Variants in ABCG2 observed in about 807,000 individuals in gnomAD.
ABCG2 encodes the protein broad substrate specificity ATP-binding cassette transporter ABCG2.
Under a neutral mutation model 73.5 loss-of-function variants are expected in ABCG2, and 80 were observed. The ratio of observed to expected loss-of-function variants is 1.09; its 90% CI spans 0.91 to 1.31. The LOEUF is 1.31. ABCG2 is among the 50% of genes most tolerant of loss of function. ABCG2 has a pLI of 0.00. For missense variants in ABCG2, 796 were observed against 786.2 expected, an observed-to-expected ratio of 1.01 and a Z score of -0.15; for synonymous variants, 269 against 282.4, an observed-to-expected ratio of 0.95 and a Z score of 0.48.
At chr4:88,162,107 G>C (rs1202142826), upstream of ABCG2, among the ~76,000 whole-genome samples, 5 of 152,154 alleles carry the variant, frequency 3.3e-5, no homozygotes, top group African/African-American at 1.2e-4. Context: ...AGCTATTTGG[G>C]GGGCTGAGGT....
chr4:88,193,558 G>T (rs2110109044), intron 1 of ABCG2, among the ~76,000 whole-genome samples: 1 of 152,042 alleles, frequency 6.6e-6, no homozygotes, highest in East Asian at 1.9e-4. Flanking sequence ...GGTTTCTGTT[G>T]CTAAAACAAA....
chr4:88,209,469 G>T (rs1175809567), intron 1 of ABCG2, among the ~76,000 whole-genome samples: 1 of 151,988 alleles, frequency 6.6e-6, no homozygotes, highest in African/African-American at 2.4e-5. Flanking sequence ...TTTGAGACCA[G>T]CCTGGCCAAC....
At chr4:88,201,209 C>CAAAAAAA (rs3061250) in intron 1 of ABCG2, among the ~76,000 whole-genome samples, 23 of 106,244 alleles carry the variant, frequency 2.2e-4, no homozygotes, top group African/African-American at 4.4e-4. Flanking sequence ...GCACTAACTG[C>CAAAAAAA]AAAAAAAAAA....
At position 88,118,639 on chromosome 4, in the gene ABCG2, A is replaced by G. The variant is rs551457562; in HGVS notation, c.690-379T>C. On this transcript the variant is annotated intron_variant, in intron 6 of 15. Transcript: ENST00000237612. ...AGTTTGAGAACTAACTATGGACTGC[A>G]TATTAAAACAATGGTCATATATCTC... Among the ~76,000 whole-genome samples, 170 of 152,354 alleles carry G rather than the reference A, an allele frequency of 1.1e-3. 1 individual carries two copies. Among genetic ancestry groups the G allele is most frequent in the African/African-American group, 4.0e-3 (168 of 41,578 alleles).
intron 1 of ABCG2, among the ~76,000 whole-genome samples, chr4:88,202,196 T>C (rs906863005): frequency 6.6e-6 from 1 of 151,204 alleles, no homozygotes; most frequent in African/African-American, 2.4e-5. Context: ...TAATGCCCCA[T>C]GTCAACTTTC....
intron 1 of ABCG2, among the ~76,000 whole-genome samples, chr4:88,176,886 A>G (rs921530662): frequency 6.6e-6 from 1 of 151,986 alleles, no homozygotes; most frequent in African/African-American, 2.4e-5. Flanking sequence ...AAGTGATAGT[A>G]TTTCTCTATG....
chr4:88,178,010 T>G (rs1728079536), intron 1 of ABCG2, among the ~76,000 whole-genome samples: 1 of 152,048 alleles, frequency 6.6e-6, no homozygotes, highest in African/African-American at 2.4e-5. Flanking sequence ...AAACAGCAAT[T>G]CCTGGAAAAG....
At chr4:88,146,843 C>A (rs1726037664) in intron 1 of ABCG2, among the ~76,000 whole-genome samples, 3 of 149,012 alleles carry the variant, frequency 2.0e-5, no homozygotes, top group South Asian at 2.1e-4. Context: ...TGGAATCCAG[C>A]CTAAGCAACA....
intron 1 of ABCG2, chr4:88,230,860 C>T (rs552440217): frequency 6.6e-6 from 1 of 152,238 alleles, no homozygotes; most frequent in African/African-American, 2.4e-5. Context: ...GCAAGATCTC[C>T]AGGTGATACA....
At chr4:88,144,449 C>CTTTTTTTTT (rs59434855) in intron 1 of ABCG2, among the ~76,000 whole-genome samples, 180 of 77,558 alleles carry the variant, frequency 2.3e-3, no homozygotes, top group Non-Finnish European at 2.7e-3. Context: ...CACATTTTTA[C>CTTTTTTTTT]TTTTTTTTTT....
upstream of ABCG2, chr4:88,163,751 G>A (rs1727406113): frequency 4.8e-6 from 2 of 415,978 alleles, no homozygotes; most frequent in Admixed American, 2.6e-5. Context: ...AAGGAGATGG[G>A]AACTCCAGAT....
intron 1 of ABCG2, among the ~76,000 whole-genome samples, chr4:88,198,574 A>G (rs573241909): frequency 9.2e-5 from 14 of 152,290 alleles, no homozygotes; most frequent in African/African-American, 3.4e-4. Context: ...TTGAGGCTGC[A>G]GTGAGCTATG....
chr4:88,092,446 T>C, intron 15 of ABCG2, 65 bp from the exon 16 acceptor site: 1 of 1,525,664 alleles, frequency 6.6e-7, no homozygotes, highest in Middle Eastern at 1.8e-4. Context: ...ACTCAGTATA[T>C]CCACTGTTCC....
intron 1 of ABCG2, among the ~76,000 whole-genome samples, chr4:88,173,512 G>A (rs757889730): frequency 3.3e-5 from 5 of 152,078 alleles, no homozygotes; most frequent in South Asian, 4.1e-4. Flanking sequence ...AGGAAGCTCC[G>A]AATGCCTAAT....
chr4:88,139,671 G>T, intron 2 of ABCG2, 122 bp downstream of exon 2: 1 of 760,520 alleles, frequency 1.3e-6, no homozygotes, highest in Non-Finnish European at 2.1e-6. Flanking sequence ...GCATGTGTCT[G>T]TATATCTGTG....
chr4:88,147,447 G>C (rs921136472), intron 1 of ABCG2, among the ~76,000 whole-genome samples: 2 of 152,172 alleles, frequency 1.3e-5, no homozygotes, highest in African/African-American at 4.8e-5. Flanking sequence ...CCTACACTAA[G>C]TACACAGAAA....
intron 1 of ABCG2, chr4:88,223,805 G>C (rs1730095907): frequency 6.6e-6 from 1 of 152,628 alleles, no homozygotes; most frequent in African/African-American, 2.4e-5. Context: ...CTCATCTGGA[G>C]AGGGATGAAG....
At chr4:88,149,666 A>G (rs1726308938) in intron 1 of ABCG2, among the ~76,000 whole-genome samples, 1 of 152,040 alleles carries the variant, frequency 6.6e-6, no homozygotes, top group Non-Finnish European at 1.5e-5. Flanking sequence ...AGCCTGACCA[A>G]CATGGAGAAA....
At chr4:88,203,769 A>G (rs1191422560) in intron 1 of ABCG2, among the ~76,000 whole-genome samples, 2 of 151,304 alleles carry the variant, frequency 1.3e-5, no homozygotes, top group African/African-American at 4.8e-5. Context: ...AAAAAAAAAA[A>G]AAGAAAGAAA....
Sources: allele counts gnomAD v4.1 joint callset (sites outside exome capture counted in the v4.1 genomes callset), GRCh38; gene constraint gnomAD v4.1.1; transcripts MANE v1.5; gene names NCBI Gene and HGNC (gene_info 2026-07-23, HGNC 2026-07-21).